The following ADGRL3 variants were observed in gnomAD, a reference collection of about 807,000 sequenced individuals.
The protein encoded by ADGRL3 is calcium-independent alpha-latrotoxin receptor 3.
In ADGRL3, 62 loss-of-function variants were observed where a neutral mutation model predicts 153.5. That is an observed-to-expected ratio of 0.40 (90% CI 0.33 to 0.50). The LOEUF (loss-of-function observed/expected upper bound fraction) is 0.50, where lower values mean the gene tolerates loss of function less well. Among genes scored for constraint, ADGRL3 ranks in the 20% least tolerant of loss-of-function variants. The probability of loss-of-function intolerance (pLI) is 0.47; values close to 1 mark genes in which losing one functional copy is unlikely to be tolerated. For missense variants in ADGRL3, 1,641 were observed against 1,859.4 expected, an observed-to-expected ratio of 0.88 and a Z score of 2.16; for synonymous variants, 710 against 672.5, an observed-to-expected ratio of 1.06 and a Z score of -0.86.
chr4:61,953,426 A>G (rs1323884164), intron 17 of ADGRL3, among the ~76,000 whole-genome samples: 2 of 152,222 alleles, frequency 1.3e-5, no homozygotes, highest in African/African-American at 4.8e-5. Context: ...ATATGTGTTC[A>G]GTCAACATTT....
At chr4:61,812,601 CCTT>C (rs575357555) in intron 8 of ADGRL3, among the ~76,000 whole-genome samples, 1 of 152,210 alleles carries the variant, frequency 6.6e-6, no homozygotes, top group South Asian at 2.1e-4. Context: ...CCCACTCAAA[CCTT>C]CTGTATATAA....
intron 17 of ADGRL3, among the ~76,000 whole-genome samples, chr4:61,967,127 A>C (rs1475121980): frequency 6.6e-6 from 1 of 152,122 alleles, no homozygotes; most frequent in Non-Finnish European, 1.5e-5. Flanking sequence ...AGTAGGGCCA[A>C]TAGTGTGAAA....
At chr4:61,245,316 T>C (rs1317069413) in intron 1 of ADGRL3, among the ~76,000 whole-genome samples, 2 of 152,070 alleles carry the variant, frequency 1.3e-5, no homozygotes, top group African/African-American at 4.8e-5. Context: ...TCTATCATGC[T>C]CTTTGTATTT....
At position 61,236,008 on chromosome 4, in the gene ADGRL3, C is replaced by CTTTTTTTT. The variant is rs55932029; in HGVS notation, c.-240+34255_-240+34262dup. Among the ~76,000 whole-genome samples the CTTTTTTTT allele has an allele frequency of 7.0e-3, 669 of 95,770 alleles. 7 individuals carry two copies. The highest frequency in any genetic ancestry group is 0.013 in the East Asian group (35 of 2,796). 62.8% of individuals were successfully genotyped at this position (95,770 alleles called of 152,430 possible). The stretch of plus-strand genomic sequence containing the variant: ...TCTTTATCAGTGTTTCTTTTCTTTT[C>CTTTTTTTT]TTTTTTTTTTTTTTTTTTTGAGATT... On this transcript the variant is annotated intron_variant, in intron 1 of 26. Coordinates refer to ENST00000683033, the MANE Select transcript of ADGRL3 (RefSeq NM_001387552.1).
intron 8 of ADGRL3, among the ~76,000 whole-genome samples, chr4:61,750,110 G>A (rs2096733623): frequency 6.7e-6 from 1 of 149,074 alleles, no homozygotes; most frequent in East Asian, 2.0e-4. Context: ...GAACAAGGCA[G>A]GCATTGGCCC....
rs549156352 is a variant in ADGRL3, at chr4:62,040,139, A to G, written c.3717+2283A>G. On this transcript the variant is annotated intron_variant, in intron 24 of 26. Transcript: ENST00000683033. Reference sequence around the variant, plus strand: ...GTTTTTCCATCTGTAAAATGGTGATAATAAATACTGACATCTTAAGTTGCT... The same window carrying G: ...GTTTTTCCATCTGTAAAATGGTGATGATAAATACTGACATCTTAAGTTGCT... 1.7e-4 allele frequency among the ~76,000 whole-genome samples: 26 copies of G among 152,246 alleles called. No individual in the cohort carries two copies. The South Asian group carries it at 2.3e-3, about 13-fold the overall frequency.
intron 5 of ADGRL3, among the ~76,000 whole-genome samples, chr4:61,665,824 T>A (rs1408750971): frequency 6.6e-6 from 1 of 152,166 alleles, no homozygotes; most frequent in South Asian, 2.1e-4. Flanking sequence ...TGGCCTGACT[T>A]AATACATCAG....
intron 2 of ADGRL3, among the ~76,000 whole-genome samples, chr4:61,405,834 A>G (rs967199753): frequency 4.6e-5 from 7 of 151,962 alleles, no homozygotes; most frequent in African/African-American, 1.7e-4. Flanking sequence ...GTCAGCCACA[A>G]TCAGAAAAAG....
At position 62,007,356 on chromosome 4, in the gene ADGRL3, T is replaced by TTTTATATA. The variant is rs1553908562; in HGVS notation, c.3395+9092_3395+9093insTTATATAT. Among the ~76,000 whole-genome samples the TTTTATATA allele has an allele frequency of 9.7e-5, 3 of 30,914 alleles. 1 individual carries two copies. Among genetic ancestry groups the TTTTATATA allele is most frequent in the Non-Finnish European group, 1.9e-4 (3 of 15,906 alleles). 20.3% of individuals were successfully genotyped at this position (30,914 alleles called of 152,430 possible). On this transcript the variant is annotated intron_variant, in intron 21 of 26. Transcript: ENST00000683033. ...AGCTCAGGGCAAGAGGACAAAATGA[T>TTTTATATA]TATATATATATATATATATATATAT...
chr4:62,061,095 G>A (rs1445165150), intron 25 of ADGRL3, among the ~76,000 whole-genome samples: 2 of 151,874 alleles, frequency 1.3e-5, no homozygotes, highest in African/African-American at 4.8e-5. Flanking sequence ...ACATTTGTTA[G>A]TTGACTGATA....
chr4:61,614,669 G>C (rs1374948118), intron 5 of ADGRL3, among the ~76,000 whole-genome samples: 1 of 152,102 alleles, frequency 6.6e-6, no homozygotes, highest in African/African-American at 2.4e-5. Flanking sequence ...ACTTTTTTCA[G>C]TGTCTTCTTA....
chr4:61,866,038 C>T (rs1227832211), intron 9 of ADGRL3, among the ~76,000 whole-genome samples: 1 of 152,130 alleles, frequency 6.6e-6, no homozygotes, highest in Non-Finnish European at 1.5e-5. Flanking sequence ...TTTTTGTGCT[C>T]CTGGGAATCC....
In ADGRL3 at chr4:61,643,772, C is replaced by G. The variant is rs1181717585; in HGVS notation, c.474-33054C>G. 1.8e-4 allele frequency among the ~76,000 whole-genome samples: 25 copies of G among 139,840 alleles called. No homozygotes were observed. In the East Asian group the frequency reaches 5.2e-3, roughly 29 times the overall value. 91.7% of individuals were successfully genotyped at this position (139,840 alleles called of 152,430 possible). On this transcript the variant is annotated intron_variant, in intron 5 of 26. Transcript: ENST00000683033. Reference sequence around the variant, plus strand: ...TCTCTTTTTTGGTTGTGTCTCTGCCCGGCTTTGGTATCAGGATGATGCTGG... The same window carrying G: ...TCTCTTTTTTGGTTGTGTCTCTGCCGGGCTTTGGTATCAGGATGATGCTGG...
intron 9 of ADGRL3, among the ~76,000 whole-genome samples, chr4:61,886,972 T>C (rs1317316206): frequency 1.3e-5 from 2 of 151,904 alleles, no homozygotes; most frequent in Non-Finnish European, 2.9e-5. Flanking sequence ...ATTACTGATA[T>C]CATCAGTGAG....
At chr4:61,363,753 A>C (rs1191135356) in intron 1 of ADGRL3, among the ~76,000 whole-genome samples, 2 of 152,080 alleles carry the variant, frequency 1.3e-5, no homozygotes, top group African/African-American at 4.8e-5. Flanking sequence ...TGGATAGTTT[A>C]CTTGGATTTT....
At chr4:61,392,650 C>T (rs564747346) in intron 2 of ADGRL3, among the ~76,000 whole-genome samples, 5 of 110,518 alleles carry the variant, frequency 4.5e-5, no homozygotes, top group African/African-American at 6.6e-5. Context: ...TGCGCCACTG[C>T]GCTCCAGCCT....
chr4:61,741,303 T>C (rs2096578308), intron 8 of ADGRL3, among the ~76,000 whole-genome samples: 2 of 152,226 alleles, frequency 1.3e-5, no homozygotes, highest in African/African-American at 4.8e-5. Context: ...ACAGTTCCAC[T>C]TGAGATACCA....
chr4:61,394,432 C>G (rs1332650848), intron 2 of ADGRL3, among the ~76,000 whole-genome samples: 1 of 151,964 alleles, frequency 6.6e-6, no homozygotes, highest in Non-Finnish European at 1.5e-5. Context: ...ATGCAGTGCC[C>G]TGAGCACTGA....
At chr4:61,366,992 T>C (rs2096409882) in intron 1 of ADGRL3, among the ~76,000 whole-genome samples, 1 of 152,166 alleles carries the variant, frequency 6.6e-6, no homozygotes, top group Non-Finnish European at 1.5e-5. Context: ...TTAGATTGAT[T>C]ATAGAATGAA....
Sources: gnomAD v4.1 joint callset for allele counts (sites outside exome capture counted in the v4.1 genomes callset) on GRCh38, gnomAD v4.1.1 for gene constraint, MANE v1.5 for transcripts, NCBI Gene and HGNC (gene_info 2026-07-23, HGNC 2026-07-21) for gene names.